ADGRV1: variants seen among roughly 807,000 people sequenced by gnomAD.
ADGRV1 encodes adhesion G protein-coupled receptor V1.
ADGRV1 carries 359 observed loss-of-function variants against 596.2 expected under a neutral mutation model. The observed-to-expected ratio is 0.60, with a 90% CI of 0.55 to 0.66. The LOEUF (loss-of-function observed/expected upper bound fraction) is 0.66. Among genes scored for constraint, ADGRV1 ranks in the 30% least tolerant of loss-of-function variants. The pLI is 0.00. For missense variants in ADGRV1, 7,274 were observed against 7,575.6 expected, an observed-to-expected ratio of 0.96 and a Z score of 1.48; for synonymous variants, 2,681 against 2,679.2, an observed-to-expected ratio of 1.00 and a Z score of -0.02.
At chr5:90,791,520 G>A in intron 70 of ADGRV1, 174 bp downstream of exon 70, 1 of 574,078 alleles carries the variant, frequency 1.7e-6, no homozygotes. Flanking sequence ...ATTATAATAA[G>A]TATATTACTA....
At position 91,164,244 on chromosome 5, in the gene ADGRV1, TAAAG is replaced by T; in HGVS notation, c.*348_*351del. ...TGGTATCATCCAGCTTCATTATTGA[TAAAG>T]AAACATTGTGCATGGGCAAAAAAAG... On this transcript the variant is annotated 3_prime_UTR_variant, in exon 90 of 90. Coordinates refer to ENST00000405460, the MANE Select transcript of ADGRV1 (RefSeq NM_032119.4). 1 of 336,656 alleles carries T rather than the reference TAAAG, an allele frequency of 3.0e-6. No homozygotes were observed. The highest frequency in any genetic ancestry group is 2.6e-5 in the South Asian group (1 of 38,730). 20.9% of individuals were successfully genotyped at this position (336,656 alleles called of 1,614,324 possible). A position where few individuals can be genotyped will look rare whatever the true frequency, so the allele number is the denominator to read the frequency against.
Position 90,854,113 on chromosome 5 carries a change from A to G in ADGRV1, c.17506A>G (p.Asn5836Asp). 6.3e-7 allele frequency: 1 copy of G among 1,582,262 alleles called. No individual in the cohort carries two copies. The highest frequency in any genetic ancestry group is 8.6e-7 in the Non-Finnish European group (1 of 1,160,856). Reference sequence around the variant, plus strand: ...GAGTTCACAACTCCTGACTAATGACAATGAGGTTCTCTACAGGATTTATGC... The same window carrying G: ...GAGTTCACAACTCCTGACTAATGACGATGAGGTTCTCTACAGGATTTATGC... Reference protein sequence around the residue: ...GQSSQLLTNDNEVLYRIYAAE... With the variant: ...GQSSQLLTNDDEVLYRIYAAE... The change falls in exon 81 of 90, where the codon AAT becomes GAT. Residue 5836 changes from asparagine to aspartate, a missense_variant. Asn to Asp is a conservative substitution (Grantham distance 23, BLOSUM62 1). This residue lies in a region of ADGRV1 where 1,874 missense variants were observed against 1,970.2 expected (regional missense o/e 0.95). Transcript: ENST00000405460.
chr5:90,644,696 C>T lies in ADGRV1; in HGVS notation c.2735-10C>T, dbSNP rs78625945. On this transcript the variant is annotated splice_polypyrimidine_tract_variant and intron_variant, in intron 14 of 89. Transcript: ENST00000405460. ...TCTTCATATGTATTATGTATGTTTC[C>T]ATTTCACAGCTGTTTATGATGTAGT... The T allele has an allele frequency of 6.3e-7, 1 of 1,594,568 alleles. No homozygotes were observed. The highest frequency in any genetic ancestry group is 1.2e-5 in the South Asian group (1 of 85,284).
chr5:91,118,103 G>C (rs1793007015), intron 87 of ADGRV1, among the ~76,000 whole-genome samples: 1 of 152,126 alleles, frequency 6.6e-6, no homozygotes, highest in Non-Finnish European at 1.5e-5. Context: ...GAAAGATGTG[G>C]TCCTTAGCCA....
intron 87 of ADGRV1, among the ~76,000 whole-genome samples, chr5:91,144,828 A>C (rs1795397248): frequency 6.6e-6 from 1 of 152,228 alleles, no homozygotes; most frequent in Non-Finnish European, 1.5e-5. Flanking sequence ...GGAGCCAAAT[A>C]TTTTATCCTT....
chr5:90,758,572 T>G (rs1316216213), intron 57 of ADGRV1, among the ~76,000 whole-genome samples: 1 of 152,198 alleles, frequency 6.6e-6, no homozygotes, highest in Non-Finnish European at 1.5e-5. Context: ...AGATTTGAGG[T>G]GCAGGCAATT....
At chr5:90,608,226 G>T (rs1433863894) in intron 1 of ADGRV1, among the ~76,000 whole-genome samples, 1 of 152,102 alleles carries the variant, frequency 6.6e-6, no homozygotes, top group African/African-American at 2.4e-5. Context: ...CTAGGAGAGA[G>T]ATCAGTGAAA....
chr5:91,163,890 C>G lies in ADGRV1; in HGVS notation c.18911C>G (p.Thr6304Ser). Reference sequence around the variant, plus strand: ...CTCAGGAGGATACCCATCGCCGACACTCACCTGTAGCACCTCACTAACCAT... The same window carrying G: ...CTCAGGAGGATACCCATCGCCGACAGTCACCTGTAGCACCTCACTAACCAT... ...VELRRIPIAD[T>S]HL The change falls in exon 90 of 90, where the codon ACT becomes AGT. Residue 6304 changes from threonine (T) to serine (S), a missense_variant. Physicochemically the swap from Thr to Ser is moderately conservative, Grantham distance 58. Transcript: ENST00000405460. 6.5e-7 allele frequency: 1 copy of G among 1,528,424 alleles called. No individual in the cohort carries two copies. Among genetic ancestry groups the G allele is most frequent in the Non-Finnish European group, 9.0e-7 (1 of 1,105,104 alleles). The allele number at this position is 1,528,424 out of a possible 1,614,324, so 94.7% of individuals were successfully genotyped here.
At chr5:91,101,371 G>A (rs968305393) in intron 86 of ADGRV1, among the ~76,000 whole-genome samples, 2 of 152,166 alleles carry the variant, frequency 1.3e-5, no homozygotes, top group South Asian at 4.1e-4. Flanking sequence ...GGGTAAAGAA[G>A]GGCTTTGAGG....
intron 83 of ADGRV1, among the ~76,000 whole-genome samples, chr5:90,961,685 A>G (rs538900845): frequency 1.3e-5 from 2 of 152,238 alleles, no homozygotes; most frequent in East Asian, 3.9e-4. Context: ...CATGCTGTAT[A>G]TTTAAGTTTT....
intron 85 of ADGRV1, among the ~76,000 whole-genome samples, chr5:91,008,557 G>A (rs1443396755): frequency 1.3e-5 from 2 of 151,952 alleles, no homozygotes. Context: ...AGGCTGGAGT[G>A]CAGTGGCATG....
rs564899353 is a variant in ADGRV1 at position 90,882,525 on chromosome 5, C to G, written c.17856+18668C>G. ...TGCCTATATATTTCTTCATTACAGC[C>G]TTTTAAATACTTTTCTCTGTGATAA... On this transcript the variant is annotated intron_variant, in intron 83 of 89. Coordinates refer to ENST00000405460, the MANE Select transcript of ADGRV1 (RefSeq NM_032119.4). Among the ~76,000 whole-genome samples, 19 of 152,236 alleles carry G rather than the reference C, an allele frequency of 1.2e-4. No homozygotes were observed. The South Asian group carries it at 3.9e-3, about 32-fold the overall frequency.
chr5:90,757,916 G>A (rs1756011986), intron 57 of ADGRV1, among the ~76,000 whole-genome samples: 1 of 152,118 alleles, frequency 6.6e-6, no homozygotes, highest in Non-Finnish European at 1.5e-5. Context: ...CAACTTATTT[G>A]TTGCTCATGG....
chr5:90,766,145 A>G (rs181370067), intron 59 of ADGRV1, among the ~76,000 whole-genome samples: 2,363 of 152,054 alleles, frequency 0.016, 47 homozygotes, highest in African/African-American at 0.053. Context: ...TCCTGACCTC[A>G]TGATCCGCCC....
chr5:91,082,460 A>G (rs1437472831), intron 86 of ADGRV1, among the ~76,000 whole-genome samples: 1 of 152,118 alleles, frequency 6.6e-6, no homozygotes, highest in African/African-American at 2.4e-5. Context: ...CCGAGTAGCC[A>G]GGACTATAAA....
intron 76 of ADGRV1, among the ~76,000 whole-genome samples, chr5:90,824,499 G>T (rs187067538): frequency 6.6e-5 from 10 of 152,308 alleles, no homozygotes; most frequent in Non-Finnish European, 1.5e-4. Flanking sequence ...TTTCCTTAAA[G>T]CCTGGAATCC....
intron 1 of ADGRV1, among the ~76,000 whole-genome samples, chr5:90,580,191 A>T (rs1757816668): frequency 6.6e-6 from 1 of 152,208 alleles, no homozygotes; most frequent in Non-Finnish European, 1.5e-5. Context: ...TAATTGATGC[A>T]GTTTCTTCAC....
Position 90,810,954 on chromosome 5 carries a change from G to A in ADGRV1, c.15694G>A (p.Glu5232Lys), listed in dbSNP as rs988751692. The change falls in exon 74 of 90, where the codon GAG (glutamate) becomes AAG (lysine). Residue 5232 changes from glutamate to lysine, a missense_variant. Coordinates refer to ENST00000405460, the MANE Select transcript of ADGRV1 (RefSeq NM_032119.4). ...LGPSIVYIEE[E>K]MKNGTFNTAE... ...GCCATCCATTGTTTATATTGAAGAG[G>A]AGATGAAGAATGGCACATTCAACAC... The A allele has an allele frequency of 1.9e-6, 3 of 1,613,892 alleles. No individual in the cohort carries two copies. The African/African-American group carries it at 4.0e-5, about 22-fold the overall frequency.
intron 83 of ADGRV1, among the ~76,000 whole-genome samples, chr5:90,869,888 G>A (rs1368222255): frequency 9.2e-5 from 14 of 152,146 alleles, no homozygotes; most frequent in Admixed American, 9.2e-4. Flanking sequence ...GAACACAGCA[G>A]CCAGCCTCCA....
Sources: allele counts gnomAD v4.1 joint callset (sites outside exome capture counted in the v4.1 genomes callset), GRCh38; gene constraint gnomAD v4.1.1; regional missense constraint gnomAD v4.1.1; transcripts MANE v1.5; gene names NCBI Gene and HGNC (gene_info 2026-07-23, HGNC 2026-07-21).